The following PCSK2 variants were observed in gnomAD, a reference collection of about 807,000 sequenced individuals.
PCSK2 encodes the protein neuroendocrine convertase 2.
A neutral mutation model predicts 69.7 loss-of-function variants in PCSK2; 14 were observed. The ratio of observed to expected loss-of-function variants is 0.20; its 90% CI spans 0.13 to 0.31. PCSK2 has a LOEUF of 0.31. PCSK2 is among the 10% of genes least tolerant of loss of function. PCSK2 has a pLI of 1.00. For missense variants in PCSK2, 544 were observed against 842.5 expected (o/e 0.65, Z 4.39); for synonymous variants, 307 against 320.7 (o/e 0.96, Z 0.46).
intron 11 of PCSK2, among the ~76,000 whole-genome samples, chr20:17,474,447 T>G (rs769034166): frequency 6.6e-6 from 1 of 152,184 alleles, no homozygotes; most frequent in Non-Finnish European, 1.5e-5. Context: ...GTGCATGGAA[T>G]ATGTCTTTCA....
intron 1 of PCSK2, among the ~76,000 whole-genome samples, chr20:17,232,642 A>G (rs1405768670): frequency 6.6e-6 from 1 of 152,218 alleles, no homozygotes; most frequent in East Asian, 1.9e-4. Context: ...ATGATATCGT[A>G]ATGTCACAAC....
intron 2 of PCSK2, among the ~76,000 whole-genome samples, chr20:17,300,372 T>C (rs1437338229): frequency 5.3e-5 from 8 of 152,258 alleles, no homozygotes; most frequent in Non-Finnish European, 1.2e-4. Flanking sequence ...CCTGGCCGGC[T>C]GAGTGACAGG....
intron 11 of PCSK2, among the ~76,000 whole-genome samples, chr20:17,472,517 C>A (rs1420846841): frequency 2.0e-5 from 3 of 152,236 alleles, no homozygotes; most frequent in African/African-American, 7.2e-5. Context: ...GAAAGAGTGG[C>A]TGTCATTGTT....
intron 1 of PCSK2, among the ~76,000 whole-genome samples, chr20:17,233,642 T>G (rs562294253): frequency 2.2e-4 from 33 of 152,292 alleles, no homozygotes; most frequent in Non-Finnish European, 3.5e-4. Flanking sequence ...AGAAAGCCCA[T>G]TCAGGCCATG....
At position 17,453,976 on chromosome 20, in the gene PCSK2, G is replaced by C. The variant is rs181465271; in HGVS notation, c.1101+19G>C. ...CGGTGTGGTGAGCACGTCCCCTTCTGTCCTTGTTTCCTTAGGGCCACTGCA... is the reference window on the plus strand; with the variant it reads ...CGGTGTGGTGAGCACGTCCCCTTCTCTCCTTGTTTCCTTAGGGCCACTGCA... On this transcript the variant is annotated intron_variant, in intron 9 of 11. Coordinates refer to ENST00000262545, the MANE Select transcript of PCSK2 (RefSeq NM_002594.5). This position sits in a 1 kb window ranked among gnomAD's most constrained non-coding sequence, Gnocchi z 4.0. 7.1e-5 allele frequency: 114 copies of C among 1,613,764 alleles called. No individual in the cohort carries two copies. In the Admixed American group the frequency reaches 1.9e-3, roughly 26 times the overall value.
At chr20:17,255,726 G>T (rs1221753057) in intron 1 of PCSK2, among the ~76,000 whole-genome samples, 1 of 152,132 alleles carries the variant, frequency 6.6e-6, no homozygotes, top group African/African-American at 2.4e-5. Context: ...TGTTCATGTG[G>T]TTTTTGTTAT....
intron 1 of PCSK2, among the ~76,000 whole-genome samples, chr20:17,239,806 A>G (rs1201694476): frequency 1.3e-5 from 2 of 150,454 alleles, no homozygotes; most frequent in Non-Finnish European, 3.0e-5. Flanking sequence ...TGATTCCAAT[A>G]GATAGATGAA....
Position 17,409,203 on chromosome 20 carries a change from G to A in PCSK2, c.544-60G>A, listed in dbSNP as rs192157716. 643 of 1,286,236 alleles carry A rather than the reference G, an allele frequency of 5.0e-4. 2 individuals carry two copies. In the African/African-American group the frequency reaches 7.3e-3, roughly 15 times the overall value. The allele number at this position is 1,286,236 out of a possible 1,614,324, so 79.7% of individuals were successfully genotyped here. A position where few individuals can be genotyped will look rare whatever the true frequency, so the allele number is the denominator to read the frequency against. On this transcript the variant is annotated intron_variant, in intron 5 of 11. Coordinates refer to ENST00000262545, the MANE Select transcript of PCSK2 (RefSeq NM_002594.5). ...CTAGAAATGTTTAAAGTCTCCCAGC[G>A]CTTTCCCTTTACTGCGCCTCTGGCT... is the stretch of plus-strand genomic sequence containing the variant.
intron 11 of PCSK2, among the ~76,000 whole-genome samples, chr20:17,469,077 C>T (rs1382592512): frequency 1.3e-5 from 2 of 152,214 alleles, no homozygotes; most frequent in African/African-American, 4.8e-5. Flanking sequence ...TACAAATGTC[C>T]TATAATAAAA....
chr20:17,298,678 G>A (rs1367914148), intron 2 of PCSK2, among the ~76,000 whole-genome samples: 1 of 151,876 alleles, frequency 6.6e-6, no homozygotes, highest in African/African-American at 2.4e-5. Flanking sequence ...CCCTCGACGG[G>A]CTAGAAAATA....
At chr20:17,349,499 G>A (rs761640799) in intron 2 of PCSK2, among the ~76,000 whole-genome samples, 11 of 152,156 alleles carry the variant, frequency 7.2e-5, no homozygotes, top group East Asian at 1.9e-4. Context: ...CCCCAGAAAT[G>A]CCTCAGATCC....
At chr20:17,447,007 T>G (rs901824117) in intron 8 of PCSK2, among the ~76,000 whole-genome samples, 2 of 151,908 alleles carry the variant, frequency 1.3e-5, no homozygotes, top group Non-Finnish European at 2.9e-5. Flanking sequence ...AATCCCAGCA[T>G]TTTGGGAGGC....
intron 5 of PCSK2, among the ~76,000 whole-genome samples, chr20:17,394,240 G>A (rs1246052251): frequency 1.3e-5 from 2 of 152,196 alleles, no homozygotes; most frequent in African/African-American, 4.8e-5. Flanking sequence ...AATGTCAAAT[G>A]ATACTGACGT....
intron 8 of PCSK2, among the ~76,000 whole-genome samples, chr20:17,446,195 G>T (rs1438339159): frequency 6.6e-6 from 1 of 152,178 alleles, no homozygotes; most frequent in Admixed American, 6.5e-5. Flanking sequence ...AATAACACAG[G>T]ATTCTGACCT....
At chr20:17,430,768 C>T (rs993216665) in intron 7 of PCSK2, among the ~76,000 whole-genome samples, 7 of 152,106 alleles carry the variant, frequency 4.6e-5, no homozygotes, top group Admixed American at 1.3e-4. Context: ...CTAAGGGAGG[C>T]GGGTTCTCTA....
chr20:17,247,485 T>C (rs1463010703), intron 1 of PCSK2, among the ~76,000 whole-genome samples: 1 of 152,222 alleles, frequency 6.6e-6, no homozygotes, highest in Non-Finnish European at 1.5e-5. Flanking sequence ...TAGCAAATGA[T>C]GTCCAGTGTT....
chr20:17,478,057 A>G (rs1183708766), intron 11 of PCSK2, among the ~76,000 whole-genome samples: 1 of 152,194 alleles, frequency 6.6e-6, no homozygotes, highest in Non-Finnish European at 1.5e-5. Context: ...TAAGACTGAT[A>G]ATAAGGCCTT....
At chr20:17,244,728 T>C (rs897596013) in intron 1 of PCSK2, among the ~76,000 whole-genome samples, 4 of 152,216 alleles carry the variant, frequency 2.6e-5, no homozygotes, top group Admixed American at 1.3e-4. Context: ...ACTCCCTTGA[T>C]TTCCCTTCAC....
intron 6 of PCSK2, among the ~76,000 whole-genome samples, chr20:17,420,645 C>T (rs16999154): frequency 0.039 from 5,890 of 152,218 alleles, 391 homozygotes; most frequent in African/African-American, 0.13. Context: ...ATTAGTTCTA[C>T]TTTGTAAGCT....
Sources: allele counts gnomAD v4.1 joint callset (sites outside exome capture counted in the v4.1 genomes callset), GRCh38; gene constraint gnomAD v4.1.1; non-coding constraint Gnocchi (gnomAD v3.1); transcripts MANE v1.5; gene names NCBI Gene and HGNC (gene_info 2026-07-23, HGNC 2026-07-21).